The following GRIP1 variants were observed in gnomAD, a reference collection of about 807,000 sequenced individuals.
The protein encoded by GRIP1 is glutamate receptor-interacting protein 1.
In GRIP1, 45 loss-of-function variants were observed where a neutral mutation model predicts 129.9. The observed-to-expected ratio is 0.35, with a 90% CI of 0.27 to 0.44. The LOEUF (loss-of-function observed/expected upper bound fraction) is 0.44. GRIP1 is among the 20% of genes least tolerant of loss of function. The probability of loss-of-function intolerance (pLI) is 1.00; values close to 1 mark genes in which losing one functional copy is unlikely to be tolerated. For synonymous variants in GRIP1, 530 were observed against 520.8 expected (o/e 1.02, Z -0.24); for missense variants, 1,196 against 1,396.8 (o/e 0.86, Z 2.29).
chr12:66,742,853 T>C (rs905754122), intron 1 of GRIP1, among the ~76,000 whole-genome samples: 1 of 152,178 alleles, frequency 6.6e-6, no homozygotes, highest in Non-Finnish European at 1.5e-5. Flanking sequence ...CAGTAGTTAA[T>C]TGTAGGCAGT....
chr12:66,673,381 C>T (rs997875528), intron 1 of GRIP1, among the ~76,000 whole-genome samples: 3 of 152,140 alleles, frequency 2.0e-5, no homozygotes, highest in Admixed American at 6.6e-5. Flanking sequence ...GATTAGAATG[C>T]CTATCCTACA....
Position 66,816,845 on chromosome 12 carries a change from T to G in GRIP1, c.59-219918A>C, listed in dbSNP as rs540268830. Among the ~76,000 whole-genome samples the G allele has an allele frequency of 3.0e-4, 46 of 152,262 alleles. No individual in the cohort carries two copies. In the South Asian group the frequency reaches 6.8e-3, roughly 23 times the overall value. On this transcript the variant is annotated intron_variant, in intron 1 of 1. Coordinates refer to the GRIP1 transcript ENST00000643019. ...AACAAAACTAGATCCTCAGTCCCAT[T>G]TGCTCATGAAATATGTTCATATATT...
chr12:66,731,282 G>T (rs1399204532), intron 1 of GRIP1, among the ~76,000 whole-genome samples: 1 of 152,152 alleles, frequency 6.6e-6, no homozygotes, highest in East Asian at 1.9e-4. Flanking sequence ...ACCACTTTTG[G>T]ACTATCATTA....
intron 1 of GRIP1, among the ~76,000 whole-genome samples, chr12:66,766,428 C>T (rs990003475): frequency 3.9e-5 from 6 of 152,294 alleles, no homozygotes; most frequent in African/African-American, 1.2e-4. Flanking sequence ...TGCCAGCACA[C>T]GGCACACACA....
chr12:67,058,889 AAG>A (rs2043482263), intron 1 of GRIP1, among the ~76,000 whole-genome samples: 1 of 152,226 alleles, frequency 6.6e-6, no homozygotes, highest in Admixed American at 6.5e-5. Context: ...ACAGCAAAGA[AAG>A]AGAAAAAAGG....
At chr12:66,840,053 C>T (rs189333773) in intron 1 of GRIP1, among the ~76,000 whole-genome samples, 1 of 152,286 alleles carries the variant, frequency 6.6e-6, no homozygotes, top group African/African-American at 2.4e-5. Flanking sequence ...TTTGGTCCTG[C>T]ACTGCTGTTT....
chr12:66,903,532 T>G (rs2040878567), intron 1 of GRIP1, among the ~76,000 whole-genome samples: 1 of 152,152 alleles, frequency 6.6e-6, no homozygotes, highest in Non-Finnish European at 1.5e-5. Flanking sequence ...AAAAAAATAT[T>G]GTGAGCTTTG....
At chr12:66,476,477 A>C (rs958664492) in intron 7 of GRIP1, among the ~76,000 whole-genome samples, 1 of 152,230 alleles carries the variant, frequency 6.6e-6, no homozygotes, top group Non-Finnish European at 1.5e-5. Context: ...AACTATTCTA[A>C]TCAATAGAAA....
chr12:66,672,510 C>T lies in GRIP1; in HGVS notation c.55+6340G>A, dbSNP rs765632785. On this transcript the variant is annotated intron_variant, in intron 1 of 24. Coordinates refer to ENST00000359742, the MANE Select transcript of GRIP1 (RefSeq NM_001366722.1). The stretch of plus-strand genomic sequence containing the variant: ...GGTGCATTTTTTTTTTGGATATATG[C>T]GATACTGAAACAAATAATTATTTTA... 3.3e-5 allele frequency among the ~76,000 whole-genome samples: 5 copies of T among 151,450 alleles called. No homozygotes were observed. In the East Asian group the frequency reaches 5.8e-4, roughly 18 times the overall value.
At chr12:66,613,427 AGAAAGGTTCC>A (rs1172444444) in intron 1 of GRIP1, among the ~76,000 whole-genome samples, 1 of 152,176 alleles carries the variant, frequency 6.6e-6, no homozygotes, top group East Asian at 1.9e-4. Flanking sequence ...GTCTAGGCAT[AGAAAGGTTCC>A]TGTATGTTAC....
At chr12:66,607,375 A>T (rs2064584707) in intron 1 of GRIP1, among the ~76,000 whole-genome samples, 1 of 152,200 alleles carries the variant, frequency 6.6e-6, no homozygotes, top group Non-Finnish European at 1.5e-5. Context: ...CTCTGAGCCA[A>T]CCATTCTCTA....
At chr12:66,714,801 G>A (rs2035818992) in intron 1 of GRIP1, among the ~76,000 whole-genome samples, 1 of 151,564 alleles carries the variant, frequency 6.6e-6, no homozygotes, top group African/African-American at 2.4e-5. Flanking sequence ...AGAAAATGGG[G>A]AGTCAGCCTT....
At chr12:66,615,607 C>A (rs536275580) in intron 1 of GRIP1, among the ~76,000 whole-genome samples, 8 of 152,302 alleles carry the variant, frequency 5.3e-5, no homozygotes, top group Non-Finnish European at 7.4e-5. Context: ...AATGAATACA[C>A]TAGTGTTCCT....
chr12:66,455,634 A>G lies in GRIP1; in HGVS notation c.1199-70T>C, dbSNP rs570888807. ...TGTGAGCCCGCCACACTTGTCAACC[A>G]GTAACAATCCAGAAAGACACACATG... On this transcript the variant is annotated intron_variant, in intron 10 of 24. Coordinates refer to ENST00000359742, the MANE Select transcript of GRIP1 (RefSeq NM_001366722.1). 5 of 1,375,230 alleles carry G rather than the reference A, an allele frequency of 3.6e-6. No individual in the cohort carries two copies. The South Asian group carries it at 4.7e-5, about 13-fold the overall frequency. 85.2% of individuals were successfully genotyped at this position (1,375,230 alleles called of 1,614,324 possible).
intron 1 of GRIP1, among the ~76,000 whole-genome samples, chr12:66,845,477 AG>A (rs2039797178): frequency 6.6e-6 from 1 of 152,110 alleles, no homozygotes; most frequent in African/African-American, 2.4e-5. Flanking sequence ...ACAAAACAAA[AG>A]ATAAATATAG....
intron 4 of GRIP1, among the ~76,000 whole-genome samples, chr12:66,533,479 T>TA (rs1480019476): frequency 6.6e-6 from 1 of 151,980 alleles, no homozygotes; most frequent in Non-Finnish European, 1.5e-5. Flanking sequence ...ACCCCATCTC[T>TA]ACTACAAATA....
At chr12:66,532,165 G>A (rs200246733) in intron 4 of GRIP1, among the ~76,000 whole-genome samples, 3 of 152,130 alleles carry the variant, frequency 2.0e-5, no homozygotes, top group African/African-American at 4.8e-5. Context: ...TGTTGACTGC[G>A]TTTTAATACA....
At chr12:67,066,228 A>G (rs1001064073) in intron 1 of GRIP1, among the ~76,000 whole-genome samples, 1 of 151,790 alleles carries the variant, frequency 6.6e-6, no homozygotes, top group African/African-American at 2.4e-5. Flanking sequence ...GAAATTACAT[A>G]GAACAACCAA....
chr12:66,605,166 T>C (rs893412605), intron 1 of GRIP1, among the ~76,000 whole-genome samples: 1 of 152,026 alleles, frequency 6.6e-6, no homozygotes, highest in African/African-American at 2.4e-5. Flanking sequence ...ATGTTTAAAA[T>C]GTTCTCATGG....
Sources: allele counts gnomAD v4.1 joint callset (sites outside exome capture counted in the v4.1 genomes callset), GRCh38; gene constraint gnomAD v4.1.1; transcripts MANE v1.5; gene names NCBI Gene and HGNC (gene_info 2026-07-23, HGNC 2026-07-21).